The following CYP26B1 variants were observed in gnomAD, a reference collection of about 807,000 sequenced individuals.
The protein encoded by CYP26B1 is cytochrome P450 family 26 subfamily B member 1.
CYP26B1 carries 8 observed loss-of-function variants against 39.1 expected under a neutral mutation model. The observed-to-expected ratio is 0.20, with a 90% confidence interval of 0.12 to 0.37. The LOEUF (loss-of-function observed/expected upper bound fraction) is 0.37, where lower values mean the gene tolerates loss of function less well. Among genes scored for constraint, CYP26B1 ranks in the 10% least tolerant of loss-of-function variants. The probability of loss-of-function intolerance (pLI) is 1.00; values close to 1 mark genes in which losing one functional copy is unlikely to be tolerated. For missense variants in CYP26B1, 615 were observed against 707.0 expected (o/e 0.87, Z 1.48); for synonymous variants, 321 against 314.3 (o/e 1.02, Z -0.23).
rs1282328946 is a variant in CYP26B1, at chr2:72,130,811, C to G, written c.*1416G>C. ...CCCCTGACAAACCGCACGTAGCCGC[C>G]TCTTCAGCTTCAGCTGCGGCAGCCT... On this transcript the variant is annotated 3_prime_UTR_variant, in exon 6 of 6. Coordinates refer to ENST00000001146, the MANE Select transcript of CYP26B1 (RefSeq NM_019885.4). 6.6e-6 allele frequency: 1 copy of G among 152,186 alleles called. No homozygotes were observed. Among genetic ancestry groups the G allele is most frequent in the Non-Finnish European group, 1.5e-5 (1 of 68,048 alleles). 9.4% of individuals were successfully genotyped at this position (152,186 alleles called of 1,614,324 possible). A position where few individuals can be genotyped will look rare whatever the true frequency, so the allele number is the denominator to read the frequency against.
Position 72,132,210 on chromosome 2 carries a change from G to A in CYP26B1, c.*17C>T. ...CACCCCGCTGCCTGGGCTGGGCTGAGGCGGGTGGGTCTTGGGTTAGACTGT... is the reference window on the plus strand; with the variant it reads ...CACCCCGCTGCCTGGGCTGGGCTGAAGCGGGTGGGTCTTGGGTTAGACTGT... On this transcript the variant is annotated 3_prime_UTR_variant, in exon 6 of 6. Transcript: ENST00000001146. The A allele has an allele frequency of 6.3e-7, 1 of 1,593,484 alleles. No homozygotes were observed. The highest frequency in any genetic ancestry group is 1.1e-5 in the South Asian group (1 of 87,600).
chr2:72,130,640 G>A lies in CYP26B1; in HGVS notation c.*1587C>T, dbSNP rs1235240518. On this transcript the variant is annotated 3_prime_UTR_variant, in exon 6 of 6. Coordinates refer to ENST00000001146, the MANE Select transcript of CYP26B1 (RefSeq NM_019885.4). Reference sequence around the variant, plus strand: ...ACAACATCAAAAACCAATAAACACAGAAAGCAAGGAAAAATCTAGAGACTC... The same window carrying A: ...ACAACATCAAAAACCAATAAACACAAAAAGCAAGGAAAAATCTAGAGACTC... The A allele has an allele frequency of 6.6e-6, 1 of 152,148 alleles. No homozygotes were observed. Among genetic ancestry groups the A allele is most frequent in the Non-Finnish European group, 1.5e-5 (1 of 68,020 alleles). 9.4% of individuals were successfully genotyped at this position (152,148 alleles called of 1,614,324 possible).
chr2:72,138,131 C>T (rs922215997), intron 2 of CYP26B1, among the ~76,000 whole-genome samples: 5 of 151,816 alleles, frequency 3.3e-5, no homozygotes, highest in African/African-American at 4.8e-5. Context: ...GGCACACTGG[C>T]CCCAAGGGGC....
chr2:72,137,516 C>T lies in CYP26B1; in HGVS notation c.430-2097G>A, dbSNP rs1486827564. 3.7e-5 allele frequency among the ~76,000 whole-genome samples: 5 copies of T among 135,378 alleles called. 1 individual carries two copies. The Admixed American group carries it at 3.8e-4, about 10-fold the overall frequency. The allele number at this position is 135,378 out of a possible 152,430, so 88.8% of individuals were successfully genotyped here. ...GAGTGCCTTCCAGCCCCTACTCACA[C>T]ACCCCACGTGGGCCATAGTGGCCAG... On this transcript the variant is annotated intron_variant, in intron 2 of 5. Transcript: ENST00000001146.
Position 72,144,232 on chromosome 2 carries a change from G to C in CYP26B1, c.205-19C>G. The C allele has an allele frequency of 6.3e-7, 1 of 1,575,932 alleles. No individual in the cohort carries two copies. Among genetic ancestry groups the C allele is most frequent in the Non-Finnish European group, 8.7e-7 (1 of 1,155,124 alleles). ...CAGAACCCTGCGGGAGCCACACCCG[G>C]GTCTCTCTCAGGGTGCACTTCTGCA... On this transcript the variant is annotated intron_variant, in intron 1 of 5. Transcript: ENST00000001146.
rs778950395 is a variant in CYP26B1, at chr2:72,144,320, C to G, written c.205-107G>C. On this transcript the variant is annotated intron_variant, in intron 1 of 5. Coordinates refer to ENST00000001146, the MANE Select transcript of CYP26B1 (RefSeq NM_019885.4). ...GGGTACAGTCACCTGCCCCCTCTCC[C>G]CACCAAACACACTCACACAGACGAG... The G allele has an allele frequency of 4.7e-5, 70 of 1,504,714 alleles. No individual in the cohort carries two copies. The East Asian group carries it at 1.7e-3, about 36-fold the overall frequency. 93.2% of individuals were successfully genotyped at this position (1,504,714 alleles called of 1,614,324 possible). A position where few individuals can be genotyped will look rare whatever the true frequency, so the allele number is the denominator to read the frequency against.
At chr2:72,146,519 G>A (rs552866242) in intron 1 of CYP26B1, among the ~76,000 whole-genome samples, 3 of 152,346 alleles carry the variant, frequency 2.0e-5, no homozygotes, top group African/African-American at 4.8e-5. Flanking sequence ...CTCGTCCCGG[G>A]GCAGGGTGAG....
intron 1 of CYP26B1, 114 bp from the exon 2 acceptor site, chr2:72,144,327 ACACACT>A (rs1677052935): frequency 4.0e-6 from 6 of 1,488,524 alleles, no homozygotes; most frequent in Non-Finnish European, 5.4e-6. Context: ...TCCCCACCAA[ACACACT>A]CACACAGACG....
At chr2:72,143,848 T>C in intron 2 of CYP26B1, 141 bp downstream of exon 2, 1 of 1,058,660 alleles carries the variant, frequency 9.4e-7, no homozygotes, top group Non-Finnish European at 1.4e-6. Flanking sequence ...CGAGGCCTTG[T>C]CGGCGGGGAA....
intron 4 of CYP26B1, 30 bp from the exon 5 acceptor site, chr2:72,133,337 G>A: frequency 6.3e-7 from 1 of 1,592,064 alleles, no homozygotes; most frequent in Non-Finnish European, 8.5e-7. Context: ...GGTGTTGTTG[G>A]AGGTGTGGGT....
chr2:72,140,563 C>T lies in CYP26B1; in HGVS notation c.429+3426G>A, dbSNP rs530593346. Among the ~76,000 whole-genome samples the T allele has an allele frequency of 1.9e-3, 292 of 152,322 alleles. 1 individual carries two copies. The highest frequency in any genetic ancestry group is 6.7e-3 in the African/African-American group (280 of 41,576). On this transcript the variant is annotated intron_variant, in intron 2 of 5. Transcript: ENST00000001146. ...GAGCCTGGTGGACATGACTGTGTAG[C>T]CAGAGGCTGTGCCTTGGTCCAAATG...
Position 72,147,011 on chromosome 2 carries a change from C to T in CYP26B1, c.204+620G>A, listed in dbSNP as rs1677139416. On this transcript the variant is annotated intron_variant, in intron 1 of 5. Coordinates refer to ENST00000001146, the MANE Select transcript of CYP26B1 (RefSeq NM_019885.4). This position sits in a 1 kb window ranked among gnomAD's most constrained non-coding sequence, Gnocchi z 6.1. ...CAATAAGTAAATAGACCCTTTTCCC[C>T]GAAAGCCTAGAGCCCTGGATTCTCA... 6.6e-6 allele frequency among the ~76,000 whole-genome samples: 1 copy of T among 152,206 alleles called. No individual in the cohort carries two copies.
At chr2:72,135,955 C>G (rs188143064) in intron 2 of CYP26B1, among the ~76,000 whole-genome samples, 4 of 152,098 alleles carry the variant, frequency 2.6e-5, no homozygotes, top group Non-Finnish European at 1.5e-5. Context: ...GGCTTTCCAC[C>G]CCTAAAGATC....
At position 72,134,703 on chromosome 2, in the gene CYP26B1, A is replaced by G. The variant is rs1676704544; in HGVS notation, c.861+58T>C. 28 of 1,571,230 alleles carry G rather than the reference A, an allele frequency of 1.8e-5. No homozygotes were observed. In the Middle Eastern group the frequency reaches 5.1e-4, roughly 29 times the overall value. Reference sequence around the variant, plus strand: ...GCTGGGCACATTTCCACCCAGGGAAAGCTCAGAATGGAGCCTGGGTGCTGG... The same window carrying G: ...GCTGGGCACATTTCCACCCAGGGAAGGCTCAGAATGGAGCCTGGGTGCTGG... On this transcript the variant is annotated intron_variant, in intron 4 of 5. Coordinates refer to ENST00000001146, the MANE Select transcript of CYP26B1 (RefSeq NM_019885.4).
chr2:72,139,528 C>T (rs1454276088), intron 2 of CYP26B1, among the ~76,000 whole-genome samples: 5 of 152,150 alleles, frequency 3.3e-5, no homozygotes, highest in Non-Finnish European at 5.9e-5. Context: ...TGGAGCAAAG[C>T]GCCTGCCTGC....
rs780773529 is a variant in CYP26B1, at chr2:72,147,643, G to A, written c.192C>T (p.His64=). The A allele has an allele frequency of 3.1e-6, 5 of 1,609,534 alleles. No homozygotes were observed. The highest frequency in any genetic ancestry group is 4.2e-6 in the Non-Finnish European group (5 of 1,178,624). Residue 64 remains histidine (H), a synonymous_variant, in exon 1 of 6, where the codon CAC becomes CAT. Transcript: ENST00000001146. The surrounding 1 kb of genome is among the most constrained non-coding windows in gnomAD (Gnocchi z 6.1). ...MGFPLIGETG[H]WLLQGSGFQS... ...AGCGCGCCCTTACCTGCAGCAGCCAGTGGCCGGTCTCTCCGATGAGCGGGA... is the reference window on the plus strand; with the variant it reads ...AGCGCGCCCTTACCTGCAGCAGCCAATGGCCGGTCTCTCCGATGAGCGGGA...
At position 72,147,552 on chromosome 2, in the gene CYP26B1, C is replaced by T. The variant is rs1370108193; in HGVS notation, c.204+79G>A. 1.4e-6 allele frequency: 2 copies of T among 1,431,304 alleles called. No homozygotes were observed. Among genetic ancestry groups the T allele is most frequent in the Non-Finnish European group, 9.3e-7 (1 of 1,077,642 alleles). 88.7% of individuals were successfully genotyped at this position (1,431,304 alleles called of 1,614,324 possible). A position where few individuals can be genotyped will look rare whatever the true frequency, so the allele number is the denominator to read the frequency against. On this transcript the variant is annotated intron_variant, in intron 1 of 5. Coordinates refer to ENST00000001146, the MANE Select transcript of CYP26B1 (RefSeq NM_019885.4). The surrounding 1 kb of genome is among the most constrained non-coding windows in gnomAD (Gnocchi z 6.1). ...AGTGCCTTCAGGCTCCCGGCGCCCCCTGGCCGGCCCGCCGCTCCGTCTGCC... is the reference window on the plus strand; with the variant it reads ...AGTGCCTTCAGGCTCCCGGCGCCCCTTGGCCGGCCCGCCGCTCCGTCTGCC...
intron 1 of CYP26B1, 35 bp from the exon 2 acceptor site, chr2:72,144,248 C>G: frequency 6.4e-7 from 1 of 1,569,908 alleles, no homozygotes; most frequent in Non-Finnish European, 8.7e-7. Flanking sequence ...TCTCAGGGTG[C>G]ACTTCTGCAG....
intron 1 of CYP26B1, 64 bp from the exon 2 acceptor site, chr2:72,144,277 G>A: frequency 1.3e-6 from 2 of 1,551,290 alleles, no homozygotes; most frequent in Middle Eastern, 1.7e-4. Context: ...CGAGGGAGGG[G>A]CGGCGGACCC....
Sources: allele counts gnomAD v4.1 joint callset (sites outside exome capture counted in the v4.1 genomes callset), GRCh38; gene constraint gnomAD v4.1.1; non-coding constraint Gnocchi (gnomAD v3.1); transcripts MANE v1.5; gene names NCBI Gene and HGNC (gene_info 2026-07-23, HGNC 2026-07-21).